The following NAA25 variants were observed in gnomAD, a reference collection of about 807,000 sequenced individuals.
The protein encoded by NAA25 is N-terminal acetyltransferase B complex subunit NAA25.
Under a neutral mutation model 132.5 loss-of-function variants are expected in NAA25, and 30 were observed. The observed-to-expected ratio is 0.23, with a 90% confidence interval of 0.17 to 0.31. NAA25 has a LOEUF of 0.31. NAA25 is among the 10% of genes least tolerant of loss of function. The pLI, the probability that NAA25 is intolerant of heterozygous loss-of-function variation, is 1.00. For missense variants in NAA25, 771 were observed against 1,150.4 expected, an observed-to-expected ratio of 0.67 and a Z score of 4.77; for synonymous variants, 359 against 401.9, an observed-to-expected ratio of 0.89 and a Z score of 1.28.
In NAA25 at chr12:112,028,185, G is replaced by A. The variant is rs983687722; in HGVS notation, c.*1346C>T. On this transcript the variant is annotated 3_prime_UTR_variant, in exon 24 of 24. Transcript: ENST00000261745. ...GTGCAGGTTGGAAAGCACCTTTAAGGTCTTCAAGACCAATCCTCCATTGGA... is the reference window on the plus strand; with the variant it reads ...GTGCAGGTTGGAAAGCACCTTTAAGATCTTCAAGACCAATCCTCCATTGGA... 6.6e-6 allele frequency: 1 copy of A among 152,158 alleles called. No homozygotes were observed. Among genetic ancestry groups the A allele is most frequent in the Non-Finnish European group, 1.5e-5 (1 of 68,022 alleles). 9.4% of individuals were successfully genotyped at this position (152,158 alleles called of 1,614,324 possible).
chr12:112,091,460 G>A (rs1311261822), intron 2 of NAA25, among the ~76,000 whole-genome samples: 5 of 151,586 alleles, frequency 3.3e-5, no homozygotes, highest in African/African-American at 7.3e-5. Context: ...AGGCCGAGGC[G>A]GGAGGATTGC....
At chr12:112,062,032 G>C (rs1250451914) in intron 11 of NAA25, among the ~76,000 whole-genome samples, 1 of 152,088 alleles carries the variant, frequency 6.6e-6, no homozygotes, top group Non-Finnish European at 1.5e-5. Context: ...ACCAGTTCTA[G>C]TTATGTATTT....
chr12:112,047,893 G>A, intron 16 of NAA25, 103 bp from the exon 17 acceptor site: 1 of 1,207,586 alleles, frequency 8.3e-7, no homozygotes, highest in Non-Finnish European at 1.1e-6. Context: ...GAAAGAGGAA[G>A]GAAGGGCTCA....
At chr12:112,074,850 G>C in intron 8 of NAA25, 86 bp from the exon 9 acceptor site, 1 of 943,536 alleles carries the variant, frequency 1.1e-6, no homozygotes, top group Non-Finnish European at 1.6e-6. Flanking sequence ...AATTTATTTT[G>C]TAAGTTATAT....
intron 4 of NAA25, among the ~76,000 whole-genome samples, chr12:112,082,684 C>A (rs778190244): frequency 2.0e-5 from 3 of 149,828 alleles, no homozygotes; most frequent in Non-Finnish European, 4.4e-5. Flanking sequence ...CCTCTTCTTT[C>A]TTTAAGGGAA....
At chr12:112,050,870 T>G (rs2078455531) in intron 15 of NAA25, among the ~76,000 whole-genome samples, 1 of 152,176 alleles carries the variant, frequency 6.6e-6, no homozygotes, top group East Asian at 1.9e-4. Flanking sequence ...CAAATACAAC[T>G]TTCAATCCCA....
At chr12:112,074,091 G>T (rs1450211447) in intron 9 of NAA25, among the ~76,000 whole-genome samples, 1 of 152,014 alleles carries the variant, frequency 6.6e-6, no homozygotes, top group African/African-American at 2.4e-5. Flanking sequence ...CCAGCACTTT[G>T]GGAGGCTGAG....
At chr12:112,084,045 G>T (rs73207610) in intron 4 of NAA25, among the ~76,000 whole-genome samples, 2,252 of 152,292 alleles carry the variant, frequency 0.015, 24 homozygotes, top group Non-Finnish European at 0.024. Context: ...GATCTTGCAG[G>T]CTCTGATAAT....
intron 4 of NAA25, among the ~76,000 whole-genome samples, chr12:112,082,214 C>G (rs2078983103): frequency 6.6e-6 from 1 of 152,120 alleles, no homozygotes; most frequent in Non-Finnish European, 1.5e-5. Context: ...TGCCACTGCA[C>G]TCTAGCCTGG....
intron 16 of NAA25, 152 bp downstream of exon 16, chr12:112,048,140 G>T: frequency 1.4e-6 from 1 of 716,988 alleles, no homozygotes; most frequent in Non-Finnish European, 2.2e-6. Flanking sequence ...CATTCCCCAT[G>T]ACATGTGCCA....
chr12:112,030,039 C>T (rs1312169948), intron 23 of NAA25, among the ~76,000 whole-genome samples: 1 of 151,630 alleles, frequency 6.6e-6, no homozygotes, highest in African/African-American at 2.4e-5. Flanking sequence ...ATGGTGAAAC[C>T]CCATCTCTAC....
At chr12:112,100,614 CTT>C (rs71083200) in intron 1 of NAA25, among the ~76,000 whole-genome samples, 83 of 100,612 alleles carry the variant, frequency 8.2e-4, no homozygotes, top group African/African-American at 3.1e-3. Context: ...ATTCCATTGT[CTT>C]TTTTTTTTTT....
chr12:112,106,955 CAAAAAAAAAAAA>C (rs11286456), intron 1 of NAA25, among the ~76,000 whole-genome samples: 6 of 25,828 alleles, frequency 2.3e-4, no homozygotes, highest in Non-Finnish European at 4.2e-4. Context: ...AGACTGTCTC[CAAAAAAAAAAAA>C]AAAAAAAAAA....
intron 11 of NAA25, among the ~76,000 whole-genome samples, chr12:112,062,589 G>T (rs968745844): frequency 6.6e-6 from 1 of 151,678 alleles, no homozygotes; most frequent in South Asian, 2.1e-4. Context: ...AGCTGGGTGT[G>T]GTGGTGGGTG....
chr12:112,106,171 T>C (rs1349301154), intron 1 of NAA25, among the ~76,000 whole-genome samples: 1 of 152,214 alleles, frequency 6.6e-6, no homozygotes, highest in Non-Finnish European at 1.5e-5. Flanking sequence ...TCTTCCCATG[T>C]ACATGTTACA....
intron 9 of NAA25, among the ~76,000 whole-genome samples, chr12:112,073,265 C>T (rs1166009416): frequency 6.7e-6 from 1 of 149,362 alleles, no homozygotes; most frequent in Non-Finnish European, 1.5e-5. Flanking sequence ...ATTAAATACA[C>T]ACACACACAC....
intron 13 of NAA25, among the ~76,000 whole-genome samples, chr12:112,059,991 A>G (rs1451190260): frequency 6.6e-6 from 1 of 152,004 alleles, no homozygotes; most frequent in Non-Finnish European, 1.5e-5. Flanking sequence ...TATTTTTAGT[A>G]GAGACGAAGT....
At chr12:112,075,510 C>A (rs767153745) in intron 8 of NAA25, among the ~76,000 whole-genome samples, 168 bp downstream of exon 8, 3 of 152,042 alleles carry the variant, frequency 2.0e-5, no homozygotes, top group Non-Finnish European at 1.5e-5. Context: ...TTATAATACT[C>A]TACTGAAAGA....
chr12:112,085,233 C>A (rs1049158443), intron 4 of NAA25, among the ~76,000 whole-genome samples: 1 of 150,766 alleles, frequency 6.6e-6, no homozygotes, highest in Non-Finnish European at 1.5e-5. Context: ...ATATCACACA[C>A]ACAAAAAAAT....
Sources: allele counts gnomAD v4.1 joint callset (sites outside exome capture counted in the v4.1 genomes callset), GRCh38; gene constraint gnomAD v4.1.1; transcripts MANE v1.5; gene names NCBI Gene and HGNC (gene_info 2026-07-23, HGNC 2026-07-21).